PCDHGC4: variants seen among roughly 807,000 people sequenced by gnomAD.
PCDHGC4 encodes the protein protocadherin gamma-C4.
PCDHGC4 carries 15 observed loss-of-function variants against 59.7 expected under a neutral mutation model. The ratio of observed to expected loss-of-function variants is 0.25; its 90% CI spans 0.17 to 0.39. The LOEUF is 0.39. Among genes scored for constraint, PCDHGC4 ranks in the 10% least tolerant of loss-of-function variants. The pLI, the probability that PCDHGC4 is intolerant of heterozygous loss-of-function variation, is 1.00. For missense variants in PCDHGC4, 1,016 were observed against 1,189.5 expected, an observed-to-expected ratio of 0.85 and a Z score of 2.15; for synonymous variants, 434 against 481.4, an observed-to-expected ratio of 0.90 and a Z score of 1.29.
rs148995268 is a variant in PCDHGC4, at chr5:141,486,253, C to T, written c.1080C>T (p.Pro360=). Residue 360 remains proline, a synonymous_variant, in exon 1 of 4, where the codon CCC becomes CCT. Coordinates refer to ENST00000306593, the MANE Select transcript of PCDHGC4 (RefSeq NM_018928.3). The surrounding 1 kb of genome is among the most constrained non-coding windows in gnomAD (Gnocchi z 5.0). ...ITVTSELGTL[P]ESAEPGTVVA... is the part of the protein sequence containing the mutation. The stretch of plus-strand genomic sequence containing the variant: ...TGACCTCAGAGCTTGGAACCCTCCC[C>T]GAGAGTGCAGAACCTGGCACTGTGG... 8 of 1,614,020 alleles carry T rather than the reference C, an allele frequency of 5.0e-6. No individual in the cohort carries two copies. The African/African-American group carries it at 8.0e-5, about 16-fold the overall frequency.
intron 2 of PCDHGC4, among the ~76,000 whole-genome samples, chr5:141,502,238 T>A (rs2099813398): frequency 6.6e-6 from 1 of 152,204 alleles, no homozygotes; most frequent in Non-Finnish European, 1.5e-5. Flanking sequence ...TGTGTTCTTT[T>A]ATCCTTTTTT....
Position 141,490,693 on chromosome 5 carries a change from G to C in PCDHGC4, c.2442+3078G>C. 2 of 1,614,170 alleles carry C rather than the reference G, an allele frequency of 1.2e-6. No homozygotes were observed. Among genetic ancestry groups the C allele is most frequent in the Non-Finnish European group, 1.7e-6 (2 of 1,180,018 alleles). ...GGCTGCCTCAGATCCAGACACTGGG[G>C]ATAATGCCCGCCTCACCTACTCCAT... is the stretch of plus-strand genomic sequence containing the variant. On this transcript the variant is annotated intron_variant, in intron 1 of 3. Coordinates refer to ENST00000306593, the MANE Select transcript of PCDHGC4 (RefSeq NM_018928.3). This position sits in a 1 kb window ranked among gnomAD's most constrained non-coding sequence, Gnocchi z 5.4.
At position 141,498,794 on chromosome 5, in the gene PCDHGC4, G is replaced by A. The variant is rs184257963; in HGVS notation, c.2501+3929G>A. ...TAAAAATACAAAATATTAGCCAGGT[G>A]TGGTGGTGCACACCTGTAGTCCCAG... On this transcript the variant is annotated intron_variant, in intron 2 of 3. Transcript: ENST00000306593. Among the ~76,000 whole-genome samples the A allele has an allele frequency of 7.9e-5, 12 of 152,224 alleles. No individual in the cohort carries two copies. The East Asian group carries it at 2.3e-3, about 30-fold the overall frequency.
intron 2 of PCDHGC4, among the ~76,000 whole-genome samples, chr5:141,498,828 G>C (rs2099786098): frequency 6.6e-6 from 1 of 152,092 alleles, no homozygotes; most frequent in Non-Finnish European, 1.5e-5. Flanking sequence ...AGCTACTCAG[G>C]AGGCTGAGGC....
rs1399367534 is a variant in PCDHGC4 at position 141,487,098 on chromosome 5, A to G, written c.1925A>G (p.Lys642Arg). 6.2e-7 allele frequency: 1 copy of G among 1,613,778 alleles called. No homozygotes were observed. The highest frequency in any genetic ancestry group is 8.5e-7 in the Non-Finnish European group (1 of 1,179,788). Residue 642 changes from lysine (K) to arginine (R), a missense_variant, in exon 1 of 4, where the codon AAG (lysine) becomes AGG (arginine). Transcript: ENST00000306593. The surrounding 1 kb of genome is among the most constrained non-coding windows in gnomAD (Gnocchi z 5.0). ...ATCCCAGCTGACCTCCCACCACAGA[A>G]GCTGGTCATTGTGGTAAAGGATAGT... ...VPIPADLPPQ[K>R]LVIVVKDSGS...
At position 141,491,067 on chromosome 5, in the gene PCDHGC4, G is replaced by T. The variant is rs752758445; in HGVS notation, c.2442+3452G>T. On this transcript the variant is annotated intron_variant, in intron 1 of 3. Transcript: ENST00000306593. The surrounding 1 kb of genome is among the most constrained non-coding windows in gnomAD (Gnocchi z 6.9). Reference sequence around the variant, plus strand: ...ACAATGCGTGGCTCTCCTACTCACTGTTGCCACAGTCCACAGCCCCAGGAC... The same window carrying T: ...ACAATGCGTGGCTCTCCTACTCACTTTTGCCACAGTCCACAGCCCCAGGAC... 1.2e-6 allele frequency: 2 copies of T among 1,614,200 alleles called. No homozygotes were observed. The highest frequency in any genetic ancestry group is 1.7e-6 in the Non-Finnish European group (2 of 1,180,040).
rs2099883782 is a variant in PCDHGC4 at position 141,511,420 on chromosome 5, G to C, written c.*247G>C. The C allele has an allele frequency of 1.2e-6, 1 of 830,744 alleles. No homozygotes were observed. The allele number at this position is 830,744 out of a possible 1,614,324, so 51.5% of individuals were successfully genotyped here. On this transcript the variant is annotated 3_prime_UTR_variant, in exon 4 of 4. Transcript: ENST00000306593. ...TCCAATCAACTGCTGTACCCATGGG[G>C]GTAGTGGGGTTACTGTAGACACCAA...
chr5:141,507,151 G>C (rs1423834553), intron 3 of PCDHGC4: 2 of 152,192 alleles, frequency 1.3e-5, no homozygotes, highest in African/African-American at 4.8e-5. Context: ...TATTACCTGA[G>C]CAGGATGAGA....
rs143779180 is a variant in PCDHGC4, at chr5:141,485,438, C to T, written c.265C>T (p.Pro89Ser). Reference sequence around the variant, plus strand: ...CAGCGGAGCCCTGCTCATCAAGAACCCAATCGACCGAGAGGCACTGTGTGG... The same window carrying T: ...CAGCGGAGCCCTGCTCATCAAGAACTCAATCGACCGAGAGGCACTGTGTGG... ...LDSGALLIKN[P>S]IDREALCGLS... Residue 89 changes from proline to serine, a missense_variant, in exon 1 of 4, where the codon CCA (proline) becomes TCA (serine). Physicochemically the swap from Pro to Ser is moderately conservative, Grantham distance 74 (BLOSUM62 -1). Transcript: ENST00000306593. This position sits in a 1 kb window ranked among gnomAD's most constrained non-coding sequence, Gnocchi z 5.7. 2.9e-5 allele frequency: 47 copies of T among 1,614,052 alleles called. No individual in the cohort carries two copies. The highest frequency in any genetic ancestry group is 4.0e-5 in the African/African-American group (3 of 74,924).
intron 2 of PCDHGC4, 40 bp from the exon 3 acceptor site, chr5:141,505,353 G>T (rs376781305): frequency 1.7e-5 from 27 of 1,613,426 alleles, no homozygotes; most frequent in Non-Finnish European, 2.0e-5. Flanking sequence ...GAGCTGTGCC[G>T]GCCTGGGAGT....
At chr5:141,502,441 GAT>G (rs2099814262) in intron 2 of PCDHGC4, among the ~76,000 whole-genome samples, 1 of 152,000 alleles carries the variant, frequency 6.6e-6, no homozygotes, top group Non-Finnish European at 1.5e-5. Flanking sequence ...GTTAGATTCA[GAT>G]TACACACCTT....
chr5:141,505,246 G>GAAGT, intron 2 of PCDHGC4, 147 bp from the exon 3 acceptor site: 3 of 1,436,674 alleles, frequency 2.1e-6, no homozygotes, highest in Non-Finnish European at 2.8e-6. Context: ...AAGGATTGTA[G>GAAGT]AAGTGCCTCC....
Position 141,487,503 on chromosome 5 carries a change from C to T in PCDHGC4, c.2330C>T (p.Ser777Phe). The change falls in exon 1 of 4, where the codon TCT becomes TTT. Residue 777 changes from serine (S) to phenylalanine (F), a missense_variant. Ser to Phe is a radical substitution (Grantham distance 155). Transcript: ENST00000306593. The surrounding 1 kb of genome is among the most constrained non-coding windows in gnomAD (Gnocchi z 5.0). ...GHSHGCTPLA[S>F]APTRSDSFMM... The stretch of plus-strand genomic sequence containing the variant: ...TCTCATGGCTGTACACCCTTGGCTT[C>T]TGCACCCACTCGGAGTGATAGCTTC... 1 of 1,614,220 alleles carries T rather than the reference C, an allele frequency of 6.2e-7. No homozygotes were observed. Among genetic ancestry groups the T allele is most frequent in the Non-Finnish European group, 8.5e-7 (1 of 1,180,042 alleles).
Position 141,485,992 on chromosome 5 carries a change from C to T in PCDHGC4, c.819C>T (p.Pro273=). The T allele has an allele frequency of 6.2e-7, 1 of 1,614,156 alleles. No individual in the cohort carries two copies. The highest frequency in any genetic ancestry group is 2.2e-5 in the East Asian group (1 of 44,870). Residue 273 remains proline (P), a synonymous_variant, in exon 1 of 4, where the codon CCC becomes CCT. Coordinates refer to ENST00000306593, the MANE Select transcript of PCDHGC4 (RefSeq NM_018928.3). The surrounding 1 kb of genome is among the most constrained non-coding windows in gnomAD (Gnocchi z 5.7). ...ATGCCTCAGACCCGGACCTGGGTCC[C>T]AGTGGTAACGTCACCTTTTATTTCA... ...QLNASDPDLG[P]SGNVTFYFSG... is the part of the protein sequence containing the mutation.
chr5:141,492,043 TC>T (rs1323524482), intron 1 of PCDHGC4: 5 of 518,152 alleles, frequency 9.6e-6, no homozygotes, highest in Non-Finnish European at 1.7e-5. Context: ...CAGTCACAGA[TC>T]CACCCCTGCA....
rs1247067983 is a variant in PCDHGC4, at chr5:141,511,327, C to T, written c.*154C>T. ...CCCTTGGGAAACAGAAACAAGTGCC[C>T]AGTCAGCACCTACCCCTTCCCCCCC... On this transcript the variant is annotated 3_prime_UTR_variant, in exon 4 of 4. Transcript: ENST00000306593. 28 of 1,455,454 alleles carry T rather than the reference C, an allele frequency of 1.9e-5. No individual in the cohort carries two copies. Among genetic ancestry groups the T allele is most frequent in the Admixed American group, 2.4e-5 (1 of 41,734 alleles). 90.2% of individuals were successfully genotyped at this position (1,455,454 alleles called of 1,614,324 possible). A position where few individuals can be genotyped will look rare whatever the true frequency, so the allele number is the denominator to read the frequency against.
Position 141,485,210 on chromosome 5 carries a change from C to T in PCDHGC4, c.37C>T (p.Arg13Trp), listed in dbSNP as rs2099609472. 1.2e-6 allele frequency: 2 copies of T among 1,614,058 alleles called. No individual in the cohort carries two copies. The highest frequency in any genetic ancestry group is 1.3e-5 in the African/African-American group (1 of 75,046). Reference protein sequence around the residue: ...RKVRSWTEIWRWATLLFLFYH... With the variant: ...RKVRSWTEIWWWATLLFLFYH... ...GGTGAGAAGCTGGACAGAAATCTGG[C>T]GGTGGGCTACCCTTTTGTTCCTCTT... The change falls in exon 1 of 4, where the codon CGG (arginine) becomes TGG (tryptophan). Residue 13 changes from arginine (R) to tryptophan (W), a missense_variant. Physicochemically the swap from Arg to Trp is moderately radical, Grantham distance 101. Coordinates refer to ENST00000306593, the MANE Select transcript of PCDHGC4 (RefSeq NM_018928.3). The surrounding 1 kb of genome is among the most constrained non-coding windows in gnomAD (Gnocchi z 5.7).
At chr5:141,495,278 C>A (rs2099760057) in intron 2 of PCDHGC4, among the ~76,000 whole-genome samples, 1 of 152,174 alleles carries the variant, frequency 6.6e-6, no homozygotes, top group Non-Finnish European at 1.5e-5. Context: ...CCGGAGGAGG[C>A]GGTCCGCACT....
chr5:141,500,618 C>T (rs554274946), intron 2 of PCDHGC4, among the ~76,000 whole-genome samples: 1 of 152,262 alleles, frequency 6.6e-6, no homozygotes, highest in South Asian at 2.1e-4. Flanking sequence ...CCCAGTCATA[C>T]GGTACATTTC....
Sources: allele counts gnomAD v4.1 joint callset (sites outside exome capture counted in the v4.1 genomes callset), GRCh38; gene constraint gnomAD v4.1.1; non-coding constraint Gnocchi (gnomAD v3.1); transcripts MANE v1.5; gene names NCBI Gene and HGNC (gene_info 2026-07-23, HGNC 2026-07-21).